AADACL4: variants seen among roughly 807,000 people sequenced by gnomAD.
The protein encoded by AADACL4 is arylacetamide deacetylase like 4, also known as arylacetamide deacetylase-like 4.
AADACL4 carries 9 observed loss-of-function variants against 14.1 expected under a neutral mutation model. The observed-to-expected ratio is 0.64, with a 90% CI of 0.39 to 1.12. AADACL4 has a LOEUF of 1.12. AADACL4 is among the 50% of genes most tolerant of loss of function. The pLI, the probability that AADACL4 is intolerant of heterozygous loss-of-function variation, is 0.01. For missense variants in AADACL4, 531 were observed against 516.1 expected, an observed-to-expected ratio of 1.03 and a Z score of -0.28; for synonymous variants, 188 against 201.6, an observed-to-expected ratio of 0.93 and a Z score of 0.57.
chr1:12,645,143 C>T (rs1184906650), intron 1 of AADACL4, among the ~76,000 whole-genome samples: 1 of 140,926 alleles, frequency 7.1e-6, no homozygotes, highest in African/African-American at 2.7e-5. Flanking sequence ...CTTCCTCCTT[C>T]CCTCCTTCCT....
Position 12,666,885 on chromosome 1 carries a change from CT to C in AADACL4, c.*152del. On this transcript the variant is annotated 3_prime_UTR_variant, in exon 4 of 4. Transcript: ENST00000376221. ...GGTGAGAAGTAAGCTAACAGTCTTG[CT>C]TAGTATTCAAGAAAATCCAAACTGT... The C allele has an allele frequency of 2.6e-6, 2 of 772,550 alleles. No individual in the cohort carries two copies. Among genetic ancestry groups the C allele is most frequent in the Non-Finnish European group, 3.9e-6 (2 of 508,832 alleles). 47.9% of individuals were successfully genotyped at this position (772,550 alleles called of 1,614,324 possible).
chr1:12,665,501 A>C (rs1647302958), intron 3 of AADACL4, among the ~76,000 whole-genome samples: 1 of 152,226 alleles, frequency 6.6e-6, no homozygotes, highest in Non-Finnish European at 1.5e-5. Context: ...CTGGGATTAC[A>C]GGCATGAGTC....
intron 1 of AADACL4, among the ~76,000 whole-genome samples, chr1:12,647,066 T>G (rs1277140218): frequency 1.3e-5 from 2 of 152,040 alleles, no homozygotes; most frequent in Non-Finnish European, 2.9e-5. Flanking sequence ...TTTGTGCCTT[T>G]ATTTTCTTCT....
chr1:12,657,236 G>A (rs753966244), intron 2 of AADACL4, among the ~76,000 whole-genome samples: 1 of 151,958 alleles, frequency 6.6e-6, no homozygotes, highest in Non-Finnish European at 1.5e-5. Flanking sequence ...GACCCATCAG[G>A]GTGAATTGGG....
At chr1:12,650,989 T>C in intron 1 of AADACL4, 134 bp from the exon 2 acceptor site, 1 of 838,744 alleles carries the variant, frequency 1.2e-6, no homozygotes, top group South Asian at 1.7e-5. Flanking sequence ...TATGGATTCC[T>C]GAAGAGCCCC....
At chr1:12,663,444 C>T (rs1168945934) in intron 3 of AADACL4, among the ~76,000 whole-genome samples, 2 of 152,108 alleles carry the variant, frequency 1.3e-5, no homozygotes, top group Non-Finnish European at 2.9e-5. Context: ...CTCTCTAATG[C>T]CTCCTTCATA....
rs866066440 is a variant in AADACL4 at position 12,666,791 on chromosome 1, G to A, written c.*56G>A. The stretch of plus-strand genomic sequence containing the variant: ...GCAAGTATGGACTCTACCAGAAACC[G>A]GGTGCTTTAGTGAGTTCTATTTTAT... On this transcript the variant is annotated 3_prime_UTR_variant, in exon 4 of 4. Coordinates refer to ENST00000376221, the MANE Select transcript of AADACL4 (RefSeq NM_001013630.2). The A allele has an allele frequency of 1.1e-5, 17 of 1,500,140 alleles. No individual in the cohort carries two copies. In the Middle Eastern group the frequency reaches 9.0e-4, roughly 79 times the overall value. The allele number at this position is 1,500,140 out of a possible 1,614,324, so 92.9% of individuals were successfully genotyped here.
intron 2 of AADACL4, 66 bp from the exon 3 acceptor site, chr1:12,661,725 G>C: frequency 6.7e-7 from 1 of 1,491,422 alleles, no homozygotes; most frequent in Non-Finnish European, 9.3e-7. Context: ...GCTCTTCCTG[G>C]GGGCTGTGGT....
chr1:12,664,775 C>T (rs76992992), intron 3 of AADACL4, among the ~76,000 whole-genome samples: 2,979 of 152,286 alleles, frequency 0.02, 41 homozygotes, highest in Non-Finnish European at 0.031. Flanking sequence ...TTAAGCCAAA[C>T]TGTTTCTATT....
At chr1:12,661,901 A>T in intron 3 of AADACL4, 47 bp downstream of exon 3, 1 of 1,586,828 alleles carries the variant, frequency 6.3e-7, no homozygotes. Context: ...GTGAGAGGAG[A>T]TAGGGTAAGT....
chr1:12,665,101 C>T (rs906044126), intron 3 of AADACL4, among the ~76,000 whole-genome samples: 2 of 152,208 alleles, frequency 1.3e-5, no homozygotes, highest in South Asian at 4.1e-4. Flanking sequence ...AATCACAGCT[C>T]ACTGCAGCCT....
At chr1:12,658,061 CTT>C (rs757998612) in intron 2 of AADACL4, among the ~76,000 whole-genome samples, 3 of 142,644 alleles carry the variant, frequency 2.1e-5, no homozygotes, top group Admixed American at 6.8e-5. Context: ...TCCTTCCTTT[CTT>C]TTTCTCTTTC....
chr1:12,651,206 C>A lies in AADACL4; in HGVS notation c.252C>A (p.Asp84Glu), dbSNP rs187441277. 1.9e-5 allele frequency: 31 copies of A among 1,614,212 alleles called. No homozygotes were observed. The highest frequency in any genetic ancestry group is 3.3e-5 in the Admixed American group (2 of 60,028). ...FLHDSVRIKKDPELVVTDLRF... is the reference protein window; with the variant it reads ...FLHDSVRIKKEPELVVTDLRF... ...ATGATAGCGTGAGAATTAAAAAGGA[C>A]CCTGAACTTGTGGTGACCGACCTGC... is the stretch of plus-strand genomic sequence containing the variant. Residue 84 changes from aspartate to glutamate, a missense_variant, in exon 2 of 4, where the codon GAC (aspartate) becomes GAA (glutamate). Asp to Glu is a conservative substitution (Grantham distance 45, BLOSUM62 2). Transcript: ENST00000376221.
At chr1:12,658,026 C>T (rs1647192495) in intron 2 of AADACL4, among the ~76,000 whole-genome samples, 2 of 145,708 alleles carry the variant, frequency 1.4e-5, no homozygotes, top group South Asian at 2.2e-4. Flanking sequence ...CTCTTTCTTT[C>T]TCTTTCTTTC....
At chr1:12,646,424 A>G (rs1647112081) in intron 1 of AADACL4, among the ~76,000 whole-genome samples, 2 of 152,224 alleles carry the variant, frequency 1.3e-5, no homozygotes, top group African/African-American at 4.8e-5. Context: ...TTTCTAAAAG[A>G]TCACTTTTAG....
intron 2 of AADACL4, among the ~76,000 whole-genome samples, chr1:12,652,476 G>A (rs1266139880): frequency 6.6e-6 from 1 of 152,188 alleles, no homozygotes; most frequent in Non-Finnish European, 1.5e-5. Context: ...AAGGCCAGTG[G>A]CACCTCCAGC....
intron 1 of AADACL4, among the ~76,000 whole-genome samples, chr1:12,646,583 T>C (rs1647112800): frequency 6.6e-6 from 1 of 152,178 alleles, no homozygotes; most frequent in Non-Finnish European, 1.5e-5. Context: ...GCAATCCACA[T>C]GGAGTTACTA....
At chr1:12,654,426 G>T (rs1056028731) in intron 2 of AADACL4, among the ~76,000 whole-genome samples, 2 of 152,208 alleles carry the variant, frequency 1.3e-5, no homozygotes, top group Non-Finnish European at 2.9e-5. Context: ...AGCATGTATT[G>T]CTTTGCCAGG....
chr1:12,654,009 G>A (rs968928503), intron 2 of AADACL4, among the ~76,000 whole-genome samples: 1 of 152,132 alleles, frequency 6.6e-6, no homozygotes, highest in Non-Finnish European at 1.5e-5. Context: ...TATCCCCAAA[G>A]CCTGGAGGCA....
Sources: allele counts gnomAD v4.1 joint callset (sites outside exome capture counted in the v4.1 genomes callset), GRCh38; gene constraint gnomAD v4.1.1; transcripts MANE v1.5; gene names NCBI Gene and HGNC (gene_info 2026-07-23, HGNC 2026-07-21).